The following ALMS1 variants were observed in gnomAD, a reference collection of about 807,000 sequenced individuals.
ALMS1 encodes ALMS1 centrosome and basal body associated protein.
A neutral mutation model predicts 352.2 loss-of-function variants in ALMS1; 271 were observed. The observed-to-expected ratio is 0.77, with a 90% CI of 0.70 to 0.85. The LOEUF is 0.85. Among genes scored for constraint, ALMS1 ranks in the 40% least tolerant of loss-of-function variants. The pLI is 0.00. For synonymous variants in ALMS1, 1,865 were observed against 1,761.2 expected, an observed-to-expected ratio of 1.06 and a Z score of -1.48; for missense variants, 5,445 against 4,870.7, an observed-to-expected ratio of 1.12 and a Z score of -3.51.
At chr2:73,541,748 G>A (rs541198815) in intron 12 of ALMS1, among the ~76,000 whole-genome samples, 25 of 152,208 alleles carry the variant, frequency 1.6e-4, no homozygotes, top group Admixed American at 3.3e-4. Flanking sequence ...ACCTCTATGC[G>A]AATAAACTAG....
intron 7 of ALMS1, among the ~76,000 whole-genome samples, chr2:73,436,460 A>AT (rs1671606418): frequency 1.3e-5 from 2 of 151,814 alleles, no homozygotes; most frequent in Non-Finnish European, 2.9e-5. Context: ...TTCTTTGAGG[A>AT]TTTTTTCTGC....
intron 16 of ALMS1, among the ~76,000 whole-genome samples, chr2:73,580,922 TTGCAGATTTTC>T (rs1272648709): frequency 6.6e-6 from 1 of 152,150 alleles, no homozygotes; most frequent in Non-Finnish European, 1.5e-5. Flanking sequence ...CCCCAAGTCT[TTGCAGATTTTC>T]TGCATTCGGA....
rs1672934921 is a variant in ALMS1 at position 73,489,752 on chromosome 2, A to G, written c.7793A>G (p.Asp2598Gly). 3.1e-6 allele frequency: 5 copies of G among 1,614,150 alleles called. No individual in the cohort carries two copies. The highest frequency in any genetic ancestry group is 4.2e-6 in the Non-Finnish European group (5 of 1,180,036). Reference protein sequence around the residue: ...RTLTSEHPQLDRHPCAFRSAG... With the variant: ...RTLTSEHPQLGRHPCAFRSAG... ...CTAACTTCTGAACATCCACAACTAG[A>G]TAGACACCCTTGTGCTTTCAGATCT... Residue 2598 changes from aspartate (D) to glycine (G), a missense_variant, in exon 10 of 23, where the codon GAT becomes GGT. By Grantham distance (94) the Asp-to-Gly change is moderately conservative. Coordinates refer to ENST00000613296, the MANE Select transcript of ALMS1 (RefSeq NM_001378454.1).
intron 16 of ALMS1, among the ~76,000 whole-genome samples, chr2:73,586,719 T>C: frequency 6.6e-6 from 1 of 152,326 alleles, no homozygotes; most frequent in Non-Finnish European, 1.5e-5. Context: ...TAGTCATGCT[T>C]CGGCTGTGTG....
chr2:73,572,317 A>C lies in ALMS1; in HGVS notation c.10440A>C (p.Ala3480=). The change falls in exon 16 of 23, where the codon GCA becomes GCC. Residue 3480 remains alanine (A), a synonymous_variant. Transcript: ENST00000613296. ...ENTTRSVFRS[A]KFYIHHPVHL... ...CTACCCGTTCTGTCTTCAGGTCAGC[A>C]AAGTTTTACATTCATCATCCCGTAC... is the stretch of plus-strand genomic sequence containing the variant. The C allele has an allele frequency of 1.2e-6, 2 of 1,606,286 alleles. No homozygotes were observed. Among genetic ancestry groups the C allele is most frequent in the Non-Finnish European group, 1.7e-6 (2 of 1,177,112 alleles).
intron 15 of ALMS1, among the ~76,000 whole-genome samples, chr2:73,559,806 G>T (rs1674620679): frequency 6.6e-6 from 1 of 152,170 alleles, no homozygotes; most frequent in Non-Finnish European, 1.5e-5. Flanking sequence ...AACAAATGGT[G>T]TTGGGAAAAC....
At position 73,452,109 on chromosome 2, in the gene ALMS1, A is replaced by G. The variant is rs556743491; in HGVS notation, c.5582A>G (p.Tyr1861Cys). ...CAGAGAGAGCACTCTGTCATTTCTTATGAGCAGGAGTTGCCAGATCTTACT... is the reference window on the plus strand; with the variant it reads ...CAGAGAGAGCACTCTGTCATTTCTTGTGAGCAGGAGTTGCCAGATCTTACT... Reference protein sequence around the residue: ...YPQREHSVISYEQELPDLTEV... With the variant: ...YPQREHSVISCEQELPDLTEV... Residue 1861 changes from tyrosine to cysteine, a missense_variant, in exon 8 of 23, where the codon TAT becomes TGT. Tyr to Cys is a radical substitution (Grantham distance 194, BLOSUM62 -2). Transcript: ENST00000613296. The G allele has an allele frequency of 3.7e-6, 6 of 1,614,008 alleles. No individual in the cohort carries two copies. Among genetic ancestry groups the G allele is most frequent in the East Asian group, 4.5e-5 (2 of 44,876 alleles).
At chr2:73,589,350 G>C (rs902602512) in intron 16 of ALMS1, among the ~76,000 whole-genome samples, 1 of 152,108 alleles carries the variant, frequency 6.6e-6, no homozygotes, top group Admixed American at 6.5e-5. Context: ...TGAAATAATA[G>C]GATTAGAGAA....
At chr2:73,514,713 C>T (rs1673522024) in intron 10 of ALMS1, among the ~76,000 whole-genome samples, 1 of 152,102 alleles carries the variant, frequency 6.6e-6, no homozygotes, top group Non-Finnish European at 1.5e-5. Flanking sequence ...TTTCCTTCAG[C>T]CTAAAAAATT....
In ALMS1 at chr2:73,505,083, A is replaced by G. The variant is rs575841662; in HGVS notation, c.9539+13585A>G. Among the ~76,000 whole-genome samples the G allele has an allele frequency of 1.3e-4, 20 of 152,272 alleles. No individual in the cohort carries two copies. In the East Asian group the frequency reaches 3.7e-3, roughly 28 times the overall value. ...CTTTTTTATGGCTGCATAGTATTCC[A>G]TGGTATATATGTGCCACATTTTCTT... On this transcript the variant is annotated intron_variant, in intron 10 of 22. Coordinates refer to ENST00000613296, the MANE Select transcript of ALMS1 (RefSeq NM_001378454.1).
chr2:73,459,507 T>C (rs78912598), intron 9 of ALMS1: 386 of 152,282 alleles, frequency 2.5e-3, no homozygotes, highest in African/African-American at 8.8e-3. Context: ...CAACATTTCA[T>C]TGGAGTTCTG....
chr2:73,553,317 A>C (rs1674475786), intron 13 of ALMS1, among the ~76,000 whole-genome samples: 1 of 152,216 alleles, frequency 6.6e-6, no homozygotes. Context: ...AAAGAAAGAA[A>C]ACATGGTGGG....
At chr2:73,580,714 C>T (rs1027563055) in intron 16 of ALMS1, among the ~76,000 whole-genome samples, 3 of 152,124 alleles carry the variant, frequency 2.0e-5, no homozygotes, top group Non-Finnish European at 4.4e-5. Flanking sequence ...CTCCCCTTCT[C>T]TAGGGTTTGT....
chr2:73,531,615 G>T (rs1673914398), intron 11 of ALMS1, among the ~76,000 whole-genome samples: 1 of 152,166 alleles, frequency 6.6e-6, no homozygotes, highest in Non-Finnish European at 1.5e-5. Flanking sequence ...GCTTCCACAT[G>T]TTCAGGTTAT....
chr2:73,589,895 T>C (rs1412787837), intron 16 of ALMS1, among the ~76,000 whole-genome samples: 1 of 152,220 alleles, frequency 6.6e-6, no homozygotes, highest in Non-Finnish European at 1.5e-5. Context: ...GCTCGTATAC[T>C]TAATTTCCTA....
chr2:73,471,616 T>C (rs1466941848), intron 9 of ALMS1, among the ~76,000 whole-genome samples: 1 of 151,606 alleles, frequency 6.6e-6, no homozygotes, highest in Non-Finnish European at 1.5e-5. Context: ...TGAAAAGATA[T>C]TCAATATCGC....
In ALMS1 at chr2:73,491,327, T is replaced by C; in HGVS notation, c.9368T>C (p.Leu3123Pro). The C allele has an allele frequency of 6.2e-7, 1 of 1,614,194 alleles. No homozygotes were observed. The highest frequency in any genetic ancestry group is 1.1e-5 in the South Asian group (1 of 91,082). ...SLGFLGPKSS[L>P]DFQVVQPSLP... is the part of the protein sequence containing the mutation. Reference sequence around the variant, plus strand: ...GGTTTTCTAGGACCTAAATCTTCACTGGATTTCCAAGTCGTACAGCCTTCT... The same window carrying C: ...GGTTTTCTAGGACCTAAATCTTCACCGGATTTCCAAGTCGTACAGCCTTCT... Residue 3123 changes from leucine (L) to proline (P), a missense_variant, in exon 10 of 23, where the codon CTG becomes CCG. Physicochemically the swap from Leu to Pro is moderately conservative, Grantham distance 98. Transcript: ENST00000613296.
Position 73,448,746 on chromosome 2 carries a change from T to C in ALMS1, c.2219T>C (p.Leu740Pro). ...FADSHQTEET[L>P]TKVSATPGPA... ...GACAGTCATCAAACTGAAGAGACTC[T>C]TACTAAAGTTTCAGCCACTCCTGGA... The change falls in exon 8 of 23, where the codon CTT becomes CCT. Residue 740 changes from leucine (L) to proline (P), a missense_variant. Transcript: ENST00000613296. 1.2e-6 allele frequency: 2 copies of C among 1,605,088 alleles called. No individual in the cohort carries two copies. The highest frequency in any genetic ancestry group is 1.7e-6 in the Non-Finnish European group (2 of 1,174,038).
At chr2:73,465,965 C>T (rs1672333151) in intron 9 of ALMS1, among the ~76,000 whole-genome samples, 1 of 151,848 alleles carries the variant, frequency 6.6e-6, no homozygotes, top group Non-Finnish European at 1.5e-5. Context: ...GAATGGCGAT[C>T]ATTAAAAAGT....
Sources: allele counts gnomAD v4.1 joint callset (sites outside exome capture counted in the v4.1 genomes callset), GRCh38; gene constraint gnomAD v4.1.1; transcripts MANE v1.5; gene names NCBI Gene and HGNC (gene_info 2026-07-23, HGNC 2026-07-21).